Variants in BMPR1B observed in about 807,000 individuals in gnomAD.
BMPR1B encodes bone morphogenetic protein receptor type-1B.
Under a neutral mutation model 59.1 loss-of-function variants are expected in BMPR1B, and 12 were observed. The ratio of observed to expected loss-of-function variants is 0.20; its 90% CI spans 0.13 to 0.33. The LOEUF (loss-of-function observed/expected upper bound fraction) is 0.33. BMPR1B is among the 10% of genes least tolerant of loss of function. The pLI, the probability that BMPR1B is intolerant of heterozygous loss-of-function variation, is 1.00. For synonymous variants in BMPR1B, 237 were observed against 207.3 expected (o/e 1.14, Z -1.23); for missense variants, 550 against 610.9 (o/e 0.90, Z 1.05).
intron 2 of BMPR1B, among the ~76,000 whole-genome samples, chr4:94,915,973 T>G (rs188644783): frequency 7.0e-4 from 106 of 152,254 alleles, no homozygotes; most frequent in African/African-American, 2.5e-3. Flanking sequence ...TCTTCCTACT[T>G]TTGCCACGTG....
chr4:94,982,680 G>A (rs1433297050), intron 2 of BMPR1B, among the ~76,000 whole-genome samples: 1 of 152,260 alleles, frequency 6.6e-6, no homozygotes, highest in East Asian at 1.9e-4. Flanking sequence ...ACATCATCAT[G>A]TGTCCTCTTT....
At chr4:95,138,951 G>T (rs1263473724) in intron 10 of BMPR1B, among the ~76,000 whole-genome samples, 1 of 152,182 alleles carries the variant, frequency 6.6e-6, no homozygotes, top group Non-Finnish European at 1.5e-5. Flanking sequence ...TTGTTCCATT[G>T]CTGGTGAGGA....
intron 10 of BMPR1B, among the ~76,000 whole-genome samples, chr4:95,138,538 G>A (rs1225667328): frequency 6.7e-6 from 1 of 150,106 alleles, no homozygotes; most frequent in Non-Finnish European, 1.5e-5. Flanking sequence ...TCACTTTCAG[G>A]TACACCAATC....
chr4:95,027,822 G>A (rs771972074), intron 3 of BMPR1B, among the ~76,000 whole-genome samples: 4 of 152,210 alleles, frequency 2.6e-5, no homozygotes, highest in Non-Finnish European at 5.9e-5. Context: ...TTTATTGGCA[G>A]TGCTAATAAT....
chr4:94,847,987 A>G (rs1424856016), intron 1 of BMPR1B, among the ~76,000 whole-genome samples: 1 of 152,202 alleles, frequency 6.6e-6, no homozygotes, highest in Non-Finnish European at 1.5e-5. Context: ...ATTTACCCTG[A>G]TGTGATTATT....
At chr4:94,990,281 G>A (rs1331718376) in intron 2 of BMPR1B, among the ~76,000 whole-genome samples, 2 of 152,130 alleles carry the variant, frequency 1.3e-5, no homozygotes, top group African/African-American at 4.8e-5. Context: ...CTTGAACCTG[G>A]GAGGTGGAGG....
Position 95,024,133 on chromosome 4 carries a change from G to A in BMPR1B, c.-18+27999G>A, listed in dbSNP as rs558303111. 9.9e-5 allele frequency among the ~76,000 whole-genome samples: 15 copies of A among 152,182 alleles called. No individual in the cohort carries two copies. The East Asian group carries it at 2.3e-3, about 23-fold the overall frequency. The stretch of plus-strand genomic sequence containing the variant: ...CTAAATGTGTAAGTTAGCCCATGAG[G>A]CCAAAACTCTTAGCTACTTGAATAA... On this transcript the variant is annotated intron_variant, in intron 3 of 12. Transcript: ENST00000515059.
At chr4:94,785,351 T>G (rs1258952798) in intron 1 of BMPR1B, among the ~76,000 whole-genome samples, 1 of 152,224 alleles carries the variant, frequency 6.6e-6, no homozygotes, top group Non-Finnish European at 1.5e-5. Context: ...AGGATGGGGT[T>G]AAATTAGATT....
chr4:94,847,830 G>A (rs770973991), intron 1 of BMPR1B, among the ~76,000 whole-genome samples: 13 of 151,982 alleles, frequency 8.6e-5, no homozygotes, highest in Non-Finnish European at 5.9e-5. Context: ...GTAAGGATGG[G>A]TAAAGGCTAC....
intron 1 of BMPR1B, among the ~76,000 whole-genome samples, chr4:94,767,033 C>G (rs780476536): frequency 1.3e-5 from 2 of 152,020 alleles, no homozygotes; most frequent in Non-Finnish European, 2.9e-5. Context: ...GAGTAGGTGA[C>G]CTCAGGTTGC....
chr4:94,799,484 A>G (rs1723320895), intron 1 of BMPR1B, among the ~76,000 whole-genome samples: 1 of 151,414 alleles, frequency 6.6e-6, no homozygotes, highest in Non-Finnish European at 1.5e-5. Flanking sequence ...TTTGTATTTT[A>G]GTAGAGACGG....
At chr4:95,056,991 A>G (rs1447776337) in intron 3 of BMPR1B, among the ~76,000 whole-genome samples, 1 of 152,092 alleles carries the variant, frequency 6.6e-6, no homozygotes, top group African/African-American at 2.4e-5. Context: ...ATTGTGTTTT[A>G]TTTTTCCTTT....
chr4:94,863,099 A>T (rs1446966705), intron 1 of BMPR1B, among the ~76,000 whole-genome samples: 2 of 151,936 alleles, frequency 1.3e-5, no homozygotes, highest in Non-Finnish European at 2.9e-5. Flanking sequence ...CTGGGCAACA[A>T]GAGTGAGACT....
chr4:95,114,676 A>G, intron 4 of BMPR1B, 44 bp from the exon 5 acceptor site: 2 of 1,452,196 alleles, frequency 1.4e-6, no homozygotes, highest in Non-Finnish European at 1.9e-6. Context: ...ACACTGACTC[A>G]CACACACACA....
chr4:95,051,377 G>T (rs1481204059), intron 3 of BMPR1B, among the ~76,000 whole-genome samples: 1 of 152,162 alleles, frequency 6.6e-6, no homozygotes, highest in Non-Finnish European at 1.5e-5. Flanking sequence ...GGGGGACATG[G>T]GTATTGCCAG....
chr4:94,793,663 A>C (rs992197252), intron 1 of BMPR1B, among the ~76,000 whole-genome samples: 2 of 146,408 alleles, frequency 1.4e-5, no homozygotes, highest in Admixed American at 1.4e-4. Flanking sequence ...ATTTCTCCAC[A>C]TCCTCTCCAG....
chr4:95,138,714 G>A (rs910775975), intron 10 of BMPR1B, among the ~76,000 whole-genome samples: 2 of 152,020 alleles, frequency 1.3e-5, no homozygotes, highest in African/African-American at 4.8e-5. Context: ...ACTGAAGCTT[G>A]TGCATGCATC....
At chr4:94,857,074 C>T (rs1725785283) in intron 1 of BMPR1B, among the ~76,000 whole-genome samples, 1 of 151,890 alleles carries the variant, frequency 6.6e-6, no homozygotes, top group Non-Finnish European at 1.5e-5. Context: ...TTCAGGAACT[C>T]TTTCAGATTT....
At chr4:95,023,823 T>C (rs1276917879) in intron 3 of BMPR1B, among the ~76,000 whole-genome samples, 2 of 152,226 alleles carry the variant, frequency 1.3e-5, no homozygotes, top group East Asian at 1.9e-4. Context: ...TTTATACATA[T>C]GACTAATGTG....
Sources: gnomAD v4.1 joint callset for allele counts (sites outside exome capture counted in the v4.1 genomes callset) on GRCh38, gnomAD v4.1.1 for gene constraint, MANE v1.5 for transcripts, NCBI Gene and HGNC (gene_info 2026-07-23, HGNC 2026-07-21) for gene names.